The following SLC5A8 variants were observed in gnomAD, a reference collection of about 807,000 sequenced individuals.
SLC5A8 encodes sodium-coupled monocarboxylate transporter 1.
Under a neutral mutation model 71.9 loss-of-function variants are expected in SLC5A8, and 55 were observed. The ratio of observed to expected loss-of-function variants is 0.77; its 90% CI spans 0.62 to 0.96. The LOEUF (loss-of-function observed/expected upper bound fraction) is 0.96, where lower values mean the gene tolerates loss of function less well. SLC5A8 is among the 40% of genes least tolerant of loss of function. The pLI is 0.00. For missense variants in SLC5A8, 701 were observed against 745.3 expected, an observed-to-expected ratio of 0.94 and a Z score of 0.69; for synonymous variants, 307 against 276.1, an observed-to-expected ratio of 1.11 and a Z score of -1.11.
chr12:101,201,623 A>G (rs972856481), intron 3 of SLC5A8, among the ~76,000 whole-genome samples: 2 of 152,240 alleles, frequency 1.3e-5, no homozygotes, highest in Non-Finnish European at 2.9e-5. Context: ...TTTGTTGAGC[A>G]GCACAATCTT....
rs150771674 is a variant in SLC5A8 at position 101,205,983 on chromosome 12, C to A, written c.352-1418G>T. Reference sequence around the variant, plus strand: ...CTGGAGGAAGAGTTCCAGCCCTTGACCCAGTCCCACGCCTGACTCCATCAG... The same window carrying A: ...CTGGAGGAAGAGTTCCAGCCCTTGAACCAGTCCCACGCCTGACTCCATCAG... On this transcript the variant is annotated intron_variant, in intron 1 of 14. Transcript: ENST00000536262. 6.9e-3 allele frequency among the ~76,000 whole-genome samples: 1,047 copies of A among 152,290 alleles called. 8 individuals are homozygous for A. The highest frequency in any genetic ancestry group is 0.012 in the Non-Finnish European group (824 of 68,020).
intron 12 of SLC5A8, among the ~76,000 whole-genome samples, chr12:101,163,751 A>C (rs1443673874): frequency 6.6e-6 from 1 of 152,228 alleles, no homozygotes; most frequent in African/African-American, 2.4e-5. Context: ...AAATTAAGAG[A>C]GTGTGATATT....
chr12:101,195,967 T>A (rs1869159649), intron 3 of SLC5A8, among the ~76,000 whole-genome samples: 2 of 152,162 alleles, frequency 1.3e-5, no homozygotes, highest in South Asian at 4.1e-4. Context: ...AGTGCTGGGA[T>A]TACAAGCGTG....
At chr12:101,187,260 A>T in intron 7 of SLC5A8, 126 bp downstream of exon 7, 1 of 1,051,152 alleles carries the variant, frequency 9.5e-7, no homozygotes, top group South Asian at 2.5e-5. Context: ...AGTTTTATAG[A>T]AATGTAAGAT....
At chr12:101,205,576 C>T (rs1869644872) in intron 1 of SLC5A8, among the ~76,000 whole-genome samples, 1 of 152,144 alleles carries the variant, frequency 6.6e-6, no homozygotes, top group Admixed American at 6.5e-5. Context: ...GAAGGAAAAA[C>T]TGGCATTAGG....
At chr12:101,158,598 C>CTCTATATATATATATATATA (rs1411795424) in intron 13 of SLC5A8, among the ~76,000 whole-genome samples, 1 of 21,250 alleles carries the variant, frequency 4.7e-5, no homozygotes, top group Admixed American at 6.8e-4. Flanking sequence ...CTCTCTCTCT[C>CTCTATATATATATATATATA]TATATATATA....
At chr12:101,175,274 G>T (rs1208762501) in intron 10 of SLC5A8, among the ~76,000 whole-genome samples, 1 of 151,870 alleles carries the variant, frequency 6.6e-6, no homozygotes, top group African/African-American at 2.4e-5. Flanking sequence ...ACAATAGAGA[G>T]AAATGAAATG....
intron 12 of SLC5A8, among the ~76,000 whole-genome samples, chr12:101,162,766 G>A (rs1433235259): frequency 6.6e-6 from 1 of 152,146 alleles, no homozygotes; most frequent in African/African-American, 2.4e-5. Context: ...ACAGGCAAGA[G>A]TTTACCCAAG....
chr12:101,195,805 A>C (rs1218250958), intron 3 of SLC5A8, among the ~76,000 whole-genome samples: 1 of 144,506 alleles, frequency 6.9e-6, no homozygotes, highest in Non-Finnish European at 1.5e-5. Flanking sequence ...CAAGCAATTC[A>C]CCTGACTCAG....
intron 9 of SLC5A8, among the ~76,000 whole-genome samples, chr12:101,180,369 T>C (rs1339108425): frequency 6.6e-6 from 1 of 152,204 alleles, no homozygotes; most frequent in African/African-American, 2.4e-5. Flanking sequence ...TATAGGTATT[T>C]AAAACTAAGA....
rs1303540371 is a variant in SLC5A8, at chr12:101,162,076, T to C, written c.1528A>G (p.Thr510Ala). Residue 510 changes from threonine to alanine, a missense_variant and splice_region_variant, in exon 13 of 15, where the codon ACT (threonine) becomes GCT (alanine). Thr to Ala is a moderately conservative substitution (Grantham distance 58). Transcript: ENST00000536262. ...GAATACCAGTTATCCATCAGTGGAG[T>C]CCTAAGAGAGCAAAAACACAACGGT... is the stretch of plus-strand genomic sequence containing the variant. ...SVFQIYNVQR[T>A]PLMDNWYSLS... 4 of 1,609,986 alleles carry C rather than the reference T, an allele frequency of 2.5e-6. No homozygotes were observed. In the Admixed American group the frequency reaches 6.7e-5, roughly 27 times the overall value.
At chr12:101,168,919 G>A (rs548600739) in intron 10 of SLC5A8, among the ~76,000 whole-genome samples, 13 of 152,260 alleles carry the variant, frequency 8.5e-5, no homozygotes, top group African/African-American at 3.1e-4. Flanking sequence ...GAGAGTAAAG[G>A]GGTTTAATAG....
chr12:101,175,099 G>GA (rs1011774417), intron 10 of SLC5A8, among the ~76,000 whole-genome samples: 1 of 151,598 alleles, frequency 6.6e-6, no homozygotes, highest in Non-Finnish European at 1.5e-5. Flanking sequence ...AAATCTCAGG[G>GA]AAAAAAAGAA....
At chr12:101,171,473 A>G (rs1309949000) in intron 10 of SLC5A8, among the ~76,000 whole-genome samples, 2 of 152,188 alleles carry the variant, frequency 1.3e-5, no homozygotes, top group Non-Finnish European at 2.9e-5. Flanking sequence ...CTCCATGGTC[A>G]GTCAAATCTT....
chr12:101,158,576 CTCTCTCTCTCTCTCTCTCTCTCTA>C (rs1163164226), intron 13 of SLC5A8, among the ~76,000 whole-genome samples: 7 of 53,236 alleles, frequency 1.3e-4, no homozygotes, highest in African/African-American at 2.1e-4. Context: ...CTCTCTCTCT[CTCTCTCTCTCTCTCTCTCTCTCTA>C]TATATATATA....
At chr12:101,159,581 C>G (rs932712560) in intron 13 of SLC5A8, among the ~76,000 whole-genome samples, 1 of 152,164 alleles carries the variant, frequency 6.6e-6, no homozygotes, top group African/African-American at 2.4e-5. Context: ...TTTCAAGGTA[C>G]TCACTGCTTC....
chr12:101,168,143 T>TA lies in SLC5A8; in HGVS notation c.1272dup (p.Met425TyrfsTer44), dbSNP rs1282229010. 1 of 1,610,096 alleles carries TA rather than the reference T, an allele frequency of 6.2e-7. No homozygotes were observed. The highest frequency in any genetic ancestry group is 1.3e-5 in the African/African-American group (1 of 74,890). On this transcript the variant is annotated frameshift_variant, in exon 11 of 15. Coordinates refer to ENST00000536262, the MANE Select transcript of SLC5A8 (RefSeq NM_145913.5). LOFTEE classifies it high-confidence loss of function. ...AAAATGCCCAAAGCGAACAGGCCCA[T>TA]AAGTGGTCCACCAACCATACCAAAT... is the stretch of plus-strand genomic sequence containing the variant.
chr12:101,164,506 T>G (rs2051751064), intron 12 of SLC5A8, among the ~76,000 whole-genome samples: 1 of 152,202 alleles, frequency 6.6e-6, no homozygotes, highest in Admixed American at 6.6e-5. Flanking sequence ...ACATTCAACC[T>G]TCAGCTGGGT....
chr12:101,181,738 A>G (rs1288976088), intron 9 of SLC5A8, among the ~76,000 whole-genome samples: 1 of 152,206 alleles, frequency 6.6e-6, no homozygotes, highest in Non-Finnish European at 1.5e-5. Flanking sequence ...CCCATAATGA[A>G]CCAGTCTAAA....
Sources: gnomAD v4.1 joint callset for allele counts (sites outside exome capture counted in the v4.1 genomes callset) on GRCh38, gnomAD v4.1.1 for gene constraint, MANE v1.5 for transcripts, NCBI Gene and HGNC (gene_info 2026-07-23, HGNC 2026-07-21) for gene names.